The following SCFD2 variants were observed in gnomAD, a reference collection of about 807,000 sequenced individuals.
SCFD2 encodes sec1 family domain containing 2.
SCFD2 carries 54 observed loss-of-function variants against 58.9 expected under a neutral mutation model. The observed-to-expected ratio is 0.92, with a 90% CI of 0.74 to 1.15. SCFD2 has a LOEUF of 1.15. Among genes scored for constraint, SCFD2 ranks in the 50% most tolerant of loss-of-function variants. The pLI is 0.00. For synonymous variants in SCFD2, 321 were observed against 335.9 expected, an observed-to-expected ratio of 0.96 and a Z score of 0.49; for missense variants, 805 against 836.6, an observed-to-expected ratio of 0.96 and a Z score of 0.47.
chr4:53,223,701 C>T (rs1729115947), intron 4 of SCFD2, among the ~76,000 whole-genome samples: 1 of 152,120 alleles, frequency 6.6e-6, no homozygotes, highest in African/African-American at 2.4e-5. Context: ...TAAAATGAGC[C>T]ACCGCAAATA....
intron 1 of SCFD2, among the ~76,000 whole-genome samples, chr4:53,363,410 A>G (rs1298806997): frequency 6.6e-6 from 1 of 151,880 alleles, no homozygotes; most frequent in African/African-American, 2.4e-5. Context: ...CAGCCTCCCA[A>G]AGTGATGGGA....
chr4:52,899,560 T>G (rs1312112572), intron 7 of SCFD2, among the ~76,000 whole-genome samples: 1 of 152,206 alleles, frequency 6.6e-6, no homozygotes, highest in Admixed American at 6.5e-5. Context: ...TAACCCGACC[T>G]TTCTCTCTGG....
At chr4:53,363,755 G>A (rs542766190) in intron 1 of SCFD2, among the ~76,000 whole-genome samples, 86 of 150,476 alleles carry the variant, frequency 5.7e-4, no homozygotes, top group Non-Finnish European at 8.7e-4. Context: ...CCCGGGAGGC[G>A]GAGCTTGCAG....
intron 2 of SCFD2, among the ~76,000 whole-genome samples, chr4:53,325,738 T>C (rs966561712): frequency 6.6e-6 from 1 of 152,222 alleles, no homozygotes; most frequent in Non-Finnish European, 1.5e-5. Flanking sequence ...GGCATTATTA[T>C]AACCAAATTT....
At chr4:53,288,162 T>C (rs1427442366) in intron 3 of SCFD2, among the ~76,000 whole-genome samples, 1 of 151,914 alleles carries the variant, frequency 6.6e-6, no homozygotes, top group East Asian at 1.9e-4. Context: ...AAAGAATCTG[T>C]GAACTCGAAG....
At chr4:53,069,334 G>A (rs1723750586) in intron 5 of SCFD2, among the ~76,000 whole-genome samples, 1 of 152,008 alleles carries the variant, frequency 6.6e-6, no homozygotes, top group Admixed American at 6.6e-5. Context: ...AGGATATTCA[G>A]GAGACTGCAA....
intron 2 of SCFD2, among the ~76,000 whole-genome samples, chr4:53,349,100 G>C (rs1734142152): frequency 6.6e-6 from 1 of 152,164 alleles, no homozygotes; most frequent in Non-Finnish European, 1.5e-5. Flanking sequence ...AGACCATGGA[G>C]ACAAAATATG....
At chr4:53,119,087 G>A (rs1663324612) in intron 5 of SCFD2, among the ~76,000 whole-genome samples, 1 of 152,156 alleles carries the variant, frequency 6.6e-6, no homozygotes, top group Admixed American at 6.5e-5. Context: ...GGAAGCCGAG[G>A]TGGGTAAATC....
chr4:52,916,201 G>C (rs955634874), intron 6 of SCFD2, among the ~76,000 whole-genome samples: 4 of 152,242 alleles, frequency 2.6e-5, no homozygotes, highest in African/African-American at 9.6e-5. Flanking sequence ...CATCACATCA[G>C]ACACTGTGGC....
chr4:53,240,183 C>T (rs750599088), intron 4 of SCFD2, among the ~76,000 whole-genome samples: 13 of 152,126 alleles, frequency 8.5e-5, no homozygotes, highest in African/African-American at 1.9e-4. Context: ...GATATGAAGT[C>T]GGGCCCAGGT....
intron 5 of SCFD2, among the ~76,000 whole-genome samples, chr4:53,113,231 T>C (rs1257756745): frequency 1.3e-5 from 2 of 152,116 alleles, no homozygotes; most frequent in African/African-American, 4.8e-5. Context: ...GGTTTTCTTC[T>C]TTCAGACACG....
chr4:52,932,991 TGAG>T (rs78266882), intron 5 of SCFD2, among the ~76,000 whole-genome samples: 223 of 152,284 alleles, frequency 1.5e-3, no homozygotes, highest in Non-Finnish European at 2.5e-3. Flanking sequence ...TGGGCCGTGG[TGAG>T]GAGGAGAAGA....
intron 4 of SCFD2, among the ~76,000 whole-genome samples, chr4:53,151,078 A>G (rs1726491791): frequency 1.3e-5 from 2 of 152,206 alleles, no homozygotes. Context: ...GATGGTTGGA[A>G]AGAGAATTAG....
rs1177993913 is a variant in SCFD2 at position 53,237,327 on chromosome 4, C to T, written c.1311+36499G>A. Among the ~76,000 whole-genome samples the T allele has an allele frequency of 4.0e-5, 6 of 151,842 alleles. 1 individual carries two copies. Among genetic ancestry groups the T allele is most frequent in the African/African-American group, 1.5e-4 (6 of 41,250 alleles). On this transcript the variant is annotated intron_variant, in intron 4 of 8. Transcript: ENST00000401642. ...TATTCCACAAAGCCGCCATTGTCAT[C>T]CTGGCCCGTTCTCAATGAGCTGTTG... is the stretch of plus-strand genomic sequence containing the variant.
At chr4:53,073,842 C>T (rs973596817) in intron 5 of SCFD2, among the ~76,000 whole-genome samples, 2 of 152,006 alleles carry the variant, frequency 1.3e-5, no homozygotes, top group African/African-American at 4.8e-5. Context: ...AAATATTTAT[C>T]GCTAAAAATG....
chr4:53,166,832 CAAAA>C (rs34996788), intron 4 of SCFD2, among the ~76,000 whole-genome samples: 4 of 118,800 alleles, frequency 3.4e-5, no homozygotes, highest in Admixed American at 8.0e-5. Flanking sequence ...AAATGCCCAC[CAAAA>C]AAAAAAAAAA....
At chr4:53,111,363 T>C (rs1725168482) in intron 5 of SCFD2, among the ~76,000 whole-genome samples, 1 of 151,928 alleles carries the variant, frequency 6.6e-6, no homozygotes, top group Non-Finnish European at 1.5e-5. Context: ...TAGAGTGAAA[T>C]GCTAGTAATA....
In SCFD2 at chr4:53,227,487, T is replaced by A. The variant is rs1368645149; in HGVS notation, c.1311+46339A>T. Among the ~76,000 whole-genome samples the A allele has an allele frequency of 2.0e-5, 3 of 152,090 alleles. No individual in the cohort carries two copies. The East Asian group carries it at 5.8e-4, about 29-fold the overall frequency. On this transcript the variant is annotated intron_variant, in intron 4 of 8. Transcript: ENST00000401642. ...GCTAAAGTTCTTCCAAAAATGAGAA[T>A]CTTGGTATAAAAACGGCTAAGATTT...
chr4:53,272,857 A>G (rs1731217056), intron 4 of SCFD2, among the ~76,000 whole-genome samples: 1 of 151,858 alleles, frequency 6.6e-6, no homozygotes, highest in African/African-American at 2.4e-5. Flanking sequence ...AGTATAATTA[A>G]AAAAAAATAG....
Sources: allele counts gnomAD v4.1 joint callset (sites outside exome capture counted in the v4.1 genomes callset), GRCh38; gene constraint gnomAD v4.1.1; transcripts MANE v1.5; gene names NCBI Gene and HGNC (gene_info 2026-07-23, HGNC 2026-07-21).